The following CDH9 variants were observed in gnomAD, a reference collection of about 807,000 sequenced individuals.
The protein encoded by CDH9 is cadherin-9.
Under a neutral mutation model 70.9 loss-of-function variants are expected in CDH9, and 28 were observed. The observed-to-expected ratio is 0.40, with a 90% CI of 0.29 to 0.54. The LOEUF (loss-of-function observed/expected upper bound fraction) is 0.54. CDH9 is among the 20% of genes least tolerant of loss of function. The probability of loss-of-function intolerance (pLI) is 0.59; values close to 1 mark genes in which losing one functional copy is unlikely to be tolerated. For synonymous variants in CDH9, 409 were observed against 343.1 expected, an observed-to-expected ratio of 1.19 and a Z score of -2.12; for missense variants, 874 against 984.4, an observed-to-expected ratio of 0.89 and a Z score of 1.50.
intron 2 of CDH9, among the ~76,000 whole-genome samples, chr5:26,933,497 C>A (rs1741501566): frequency 6.6e-6 from 1 of 151,634 alleles, no homozygotes; most frequent in African/African-American, 2.4e-5. Flanking sequence ...AAAAAGAAGG[C>A]AGGGTGCACT....
At chr5:26,958,554 A>C (rs116527898) in intron 2 of CDH9, among the ~76,000 whole-genome samples, 2,689 of 152,290 alleles carry the variant, frequency 0.018, 96 homozygotes, top group African/African-American at 0.061. Context: ...ATATAAACAG[A>C]CAAAAAAATT....
chr5:26,995,073 T>A (rs1742644568), intron 1 of CDH9, among the ~76,000 whole-genome samples: 1 of 152,202 alleles, frequency 6.6e-6, no homozygotes, highest in African/African-American at 2.4e-5. Flanking sequence ...ATTTAATGGA[T>A]TATATGCTTA....
At chr5:26,898,439 G>A (rs559985916) in intron 7 of CDH9, among the ~76,000 whole-genome samples, 13 of 152,266 alleles carry the variant, frequency 8.5e-5, no homozygotes, top group African/African-American at 2.9e-4. Context: ...CAAGTCTTCA[G>A]TAACCAAAAC....
At chr5:26,974,833 CGT>C (rs1491385126) in intron 2 of CDH9, among the ~76,000 whole-genome samples, 105 of 118,738 alleles carry the variant, frequency 8.8e-4, no homozygotes, top group African/African-American at 3.1e-3. Flanking sequence ...TGTGTGTGTG[CGT>C]GTGTGTTGAG....
At chr5:26,928,040 T>A (rs1441106390) in intron 2 of CDH9, among the ~76,000 whole-genome samples, 1 of 152,052 alleles carries the variant, frequency 6.6e-6, no homozygotes, top group Non-Finnish European at 1.5e-5. Flanking sequence ...TCACTTTCTG[T>A]AACTTAAGTT....
chr5:26,906,247 A>G (rs1740946628), intron 4 of CDH9, 121 bp from the exon 5 acceptor site: 1 of 735,236 alleles, frequency 1.4e-6, no homozygotes, highest in African/African-American at 1.8e-5. Context: ...GTATTTAAAT[A>G]TGTCCTTCAA....
intron 2 of CDH9, among the ~76,000 whole-genome samples, chr5:26,928,857 A>G (rs1741391186): frequency 6.6e-6 from 1 of 152,076 alleles, no homozygotes; most frequent in South Asian, 2.1e-4. Context: ...TGAACTAAAA[A>G]CTTAAATCTA....
chr5:26,881,495 C>T lies in CDH9; in HGVS notation c.2011G>A (p.Ala671Thr), dbSNP rs540573947. Residue 671 changes from alanine (A) to threonine (T), a missense_variant, in exon 12 of 12, where the codon GCT (alanine) becomes ACT (threonine). Transcript: ENST00000231021. The part of the protein sequence containing the change: ...DEGGGEEDTQ[A>T]FDIGTLRNPE... ...TTCCTTAATGTGCCAATGTCAAAAGCTTGGGTATCTTCTTCCCCGCCGCCT... is the reference window on the plus strand; with the variant it reads ...TTCCTTAATGTGCCAATGTCAAAAGTTTGGGTATCTTCTTCCCCGCCGCCT... The T allele has an allele frequency of 3.1e-6, 5 of 1,613,788 alleles. No individual in the cohort carries two copies. The East Asian group carries it at 6.7e-5, about 22-fold the overall frequency.
At chr5:26,969,494 T>C (rs1372314428) in intron 2 of CDH9, among the ~76,000 whole-genome samples, 2 of 152,148 alleles carry the variant, frequency 1.3e-5, no homozygotes, top group East Asian at 1.9e-4. Context: ...TTTCAAATGT[T>C]TGAAAAATCA....
At chr5:27,020,910 C>A (rs1188570403) in intron 1 of CDH9, among the ~76,000 whole-genome samples, 1 of 151,568 alleles carries the variant, frequency 6.6e-6, no homozygotes, top group African/African-American at 2.4e-5. Context: ...ACGGTTAATT[C>A]TTTTAGAATA....
intron 7 of CDH9, among the ~76,000 whole-genome samples, chr5:26,893,695 TATTTTATTTTTA>T (rs1333977924): frequency 7.2e-6 from 1 of 139,408 alleles, no homozygotes; most frequent in Non-Finnish European, 1.6e-5. Flanking sequence ...TATTTTATTT[TATTTTATTTTTA>T]TTTTTGGAAG....
chr5:27,035,698 GTGT>G (rs1266334389), intron 1 of CDH9, among the ~76,000 whole-genome samples: 6 of 150,846 alleles, frequency 4.0e-5, no homozygotes, highest in African/African-American at 1.5e-4. Flanking sequence ...GTGTGTGTGT[GTGT>G]GTGTGTGTGG....
At chr5:26,933,702 C>T (rs1415663094) in intron 2 of CDH9, among the ~76,000 whole-genome samples, 1 of 151,590 alleles carries the variant, frequency 6.6e-6, no homozygotes, top group African/African-American at 2.4e-5. Flanking sequence ...TGAACCCAGA[C>T]CAGGGAAGCG....
rs887895696 is a variant in CDH9, at chr5:26,890,365, G to A, written c.1390+63C>T. ...CCACTCAAGAAAATGAGTCTAGCTGGTGCTATTATTTTACCACTTTGATGA... is the reference window on the plus strand; with the variant it reads ...CCACTCAAGAAAATGAGTCTAGCTGATGCTATTATTTTACCACTTTGATGA... On this transcript the variant is annotated intron_variant, in intron 8 of 11. Coordinates refer to ENST00000231021, the MANE Select transcript of CDH9 (RefSeq NM_016279.4). 1.2e-5 allele frequency: 17 copies of A among 1,382,766 alleles called. 1 individual carries two copies. Among genetic ancestry groups the A allele is most frequent in the Middle Eastern group, 3.6e-4 (2 of 5,572 alleles). The allele number at this position is 1,382,766 out of a possible 1,614,324, so 85.7% of individuals were successfully genotyped here.
intron 5 of CDH9, among the ~76,000 whole-genome samples, chr5:26,905,723 G>A (rs1000905147): frequency 1.3e-5 from 2 of 152,126 alleles, no homozygotes; most frequent in African/African-American, 2.4e-5. Flanking sequence ...AAAGTTGCCA[G>A]AGAAGCTTAA....
intron 2 of CDH9, among the ~76,000 whole-genome samples, chr5:26,929,901 TA>T (rs1203949680): frequency 6.6e-6 from 1 of 151,766 alleles, no homozygotes; most frequent in Non-Finnish European, 1.5e-5. Context: ...AAAATATAGT[TA>T]GGGGGAATGA....
At position 26,881,251 on chromosome 5, in the gene CDH9, G is replaced by T. The variant is rs1179587887; in HGVS notation, c.2255C>A (p.Ser752Tyr). 1.9e-6 allele frequency: 3 copies of T among 1,613,442 alleles called. No individual in the cohort carries two copies. Among genetic ancestry groups the T allele is most frequent in the African/African-American group, 2.7e-5 (2 of 74,994 alleles). The change falls in exon 12 of 12, where the codon TCT becomes TAT. Residue 752 changes from serine to tyrosine, a missense_variant. Ser to Tyr is a moderately radical substitution (Grantham distance 144). Transcript: ENST00000231021. Reference sequence around the variant, plus strand: ...ACAATCAGCTGTGAGAGATTCCAAAGAACTGAGCGAATCTGCTATGGAATC... The same window carrying T: ...ACAATCAGCTGTGAGAGATTCCAAATAACTGAGCGAATCTGCTATGGAATC... ...GNDSIADSLS[S>Y]LESLTADCNQ...
In CDH9 at chr5:26,958,693, C is replaced by T. The variant is rs184641723; in HGVS notation, c.228+29413G>A. Among the ~76,000 whole-genome samples, 152 of 152,046 alleles carry T rather than the reference C, an allele frequency of 1.0e-3. 1 individual carries two copies. Among genetic ancestry groups the T allele is most frequent in the African/African-American group, 3.2e-3 (132 of 41,474 alleles). ...AATTCTAGATTGTGTGCTTAGTATACGCAGAAATAATTTACATTCATTTAT... is the reference window on the plus strand; with the variant it reads ...AATTCTAGATTGTGTGCTTAGTATATGCAGAAATAATTTACATTCATTTAT... On this transcript the variant is annotated intron_variant, in intron 2 of 11. Transcript: ENST00000231021.
intron 2 of CDH9, among the ~76,000 whole-genome samples, chr5:26,985,743 G>A (rs1221918264): frequency 6.6e-6 from 1 of 152,014 alleles, no homozygotes; most frequent in Admixed American, 6.6e-5. Context: ...CTTTACAGGG[G>A]ATGCTATCAA....
Sources: allele counts gnomAD v4.1 joint callset (sites outside exome capture counted in the v4.1 genomes callset), GRCh38; gene constraint gnomAD v4.1.1; transcripts MANE v1.5; gene names NCBI Gene and HGNC (gene_info 2026-07-23, HGNC 2026-07-21).